CTNNA3: variants seen among roughly 807,000 people sequenced by gnomAD.
CTNNA3 encodes the protein catenin alpha-3.
A neutral mutation model predicts 95.7 loss-of-function variants in CTNNA3; 76 were observed. The observed-to-expected ratio is 0.79, with a 90% CI of 0.66 to 0.96. The LOEUF is 0.96. CTNNA3 is among the 40% of genes least tolerant of loss of function. The pLI is 0.00. For synonymous variants in CTNNA3, 431 were observed against 374.4 expected (o/e 1.15, Z -1.74); for missense variants, 1,191 against 1,089.8 (o/e 1.09, Z -1.31).
chr10:66,810,812 T>C (rs982430346), intron 7 of CTNNA3, among the ~76,000 whole-genome samples: 12 of 152,114 alleles, frequency 7.9e-5, no homozygotes, highest in African/African-American at 2.7e-4. Context: ...TGCCTATGTG[T>C]TTCTCCCCAC....
intron 11 of CTNNA3, among the ~76,000 whole-genome samples, chr10:66,411,699 G>C (rs1368417950): frequency 6.6e-6 from 1 of 152,102 alleles, no homozygotes; most frequent in Non-Finnish European, 1.5e-5. Context: ...ATTTCAGACA[G>C]TGATAAATAC....
At chr10:66,129,815 T>A (rs1564678139) in intron 13 of CTNNA3, among the ~76,000 whole-genome samples, 1 of 151,966 alleles carries the variant, frequency 6.6e-6, no homozygotes, top group Non-Finnish European at 1.5e-5. Flanking sequence ...CCACTGTGCC[T>A]GCATGAACAC....
intron 5 of CTNNA3, among the ~76,000 whole-genome samples, chr10:67,411,055 G>A (rs1845347651): frequency 6.6e-6 from 1 of 152,068 alleles, no homozygotes; most frequent in African/African-American, 2.4e-5. Context: ...GGAGTGAGGA[G>A]ATGGGTTACC....
Position 66,559,833 on chromosome 10 carries a change from T to C in CTNNA3, c.1375-39060A>G, listed in dbSNP as rs116246492. Among the ~76,000 whole-genome samples, 551 of 152,224 alleles carry C rather than the reference T, an allele frequency of 3.6e-3. 6 individuals carry two copies. The highest frequency in any genetic ancestry group is 0.013 in the African/African-American group (538 of 41,556). On this transcript the variant is annotated intron_variant, in intron 10 of 17. Coordinates refer to ENST00000433211, the MANE Select transcript of CTNNA3 (RefSeq NM_013266.4). ...CACGCCACCCCCTTTTAAGCTCTTA[T>C]AATACTACATAGTAATTCATTTTTA...
intron 10 of CTNNA3, among the ~76,000 whole-genome samples, chr10:66,608,656 CA>C (rs1007574770): frequency 3.3e-5 from 5 of 150,648 alleles, no homozygotes; most frequent in South Asian, 2.1e-4. Flanking sequence ...ATCTGATCTT[CA>C]AAAAAAAACT....
chr10:66,608,894 C>A (rs966477492), intron 10 of CTNNA3, among the ~76,000 whole-genome samples: 4 of 152,014 alleles, frequency 2.6e-5, no homozygotes, highest in African/African-American at 9.7e-5. Context: ...GATTTCATGA[C>A]AAAGACACTA....
intron 11 of CTNNA3, among the ~76,000 whole-genome samples, chr10:66,451,113 A>C (rs2093461040): frequency 6.6e-6 from 1 of 152,100 alleles, no homozygotes; most frequent in African/African-American, 2.4e-5. Flanking sequence ...ATGCCTTCAC[A>C]TAGTGAAGGC....
intron 7 of CTNNA3, among the ~76,000 whole-genome samples, chr10:66,871,231 T>C (rs1429870400): frequency 2.0e-5 from 3 of 152,296 alleles, no homozygotes; most frequent in Admixed American, 1.3e-4. Context: ...AGGTAATTTG[T>C]ATTCTCTGAT....
chr10:66,116,174 A>T (rs754444621), intron 13 of CTNNA3, among the ~76,000 whole-genome samples: 22 of 152,254 alleles, frequency 1.4e-4, no homozygotes, highest in Non-Finnish European at 2.9e-4. Flanking sequence ...TATAAGATGT[A>T]GTCAGATATA....
At chr10:66,164,354 G>A (rs2085010555) in intron 13 of CTNNA3, among the ~76,000 whole-genome samples, 1 of 151,984 alleles carries the variant, frequency 6.6e-6, no homozygotes, top group Non-Finnish European at 1.5e-5. Context: ...TCCTGCATTT[G>A]TACATTTGGG....
At chr10:66,011,163 A>T (rs553862307) in intron 15 of CTNNA3, among the ~76,000 whole-genome samples, 2 of 152,144 alleles carry the variant, frequency 1.3e-5, no homozygotes, top group Non-Finnish European at 2.9e-5. Context: ...ATCTGTGGTC[A>T]CCATAGATGC....
chr10:66,473,480 C>T (rs1839207458), intron 11 of CTNNA3, among the ~76,000 whole-genome samples: 1 of 151,942 alleles, frequency 6.6e-6, no homozygotes, highest in African/African-American at 2.4e-5. Flanking sequence ...AATTAAACCT[C>T]TTTCCTTTAT....
intron 5 of CTNNA3, among the ~76,000 whole-genome samples, chr10:67,489,350 G>A (rs1412095629): frequency 6.6e-6 from 1 of 152,072 alleles, no homozygotes; most frequent in East Asian, 1.9e-4. Flanking sequence ...CCTCACCCAA[G>A]CCACCTCTGC....
At chr10:67,133,607 G>A (rs1404370233) in intron 7 of CTNNA3, among the ~76,000 whole-genome samples, 2 of 151,570 alleles carry the variant, frequency 1.3e-5, no homozygotes, top group Non-Finnish European at 1.5e-5. Flanking sequence ...GGATTAACAG[G>A]CTTAAGGGAA....
intron 14 of CTNNA3, among the ~76,000 whole-genome samples, chr10:66,086,630 TC>T (rs2080996127): frequency 1.3e-5 from 2 of 152,228 alleles, no homozygotes; most frequent in South Asian, 4.1e-4. Context: ...CCATCCACTA[TC>T]ACTATTCTTT....
At chr10:67,542,702 T>C (rs1041486453) in intron 3 of CTNNA3, among the ~76,000 whole-genome samples, 5 of 152,042 alleles carry the variant, frequency 3.3e-5, no homozygotes, top group African/African-American at 1.2e-4. Flanking sequence ...CAGAGGAGGA[T>C]CTACCTCTGC....
intron 9 of CTNNA3, among the ~76,000 whole-genome samples, chr10:66,649,966 C>T (rs1307504378): frequency 6.6e-6 from 1 of 152,230 alleles, no homozygotes; most frequent in Non-Finnish European, 1.5e-5. Flanking sequence ...TCCCAGGCCT[C>T]AGGCCCCAAC....
chr10:66,988,289 G>C (rs549185129), intron 7 of CTNNA3, among the ~76,000 whole-genome samples: 55 of 152,212 alleles, frequency 3.6e-4, no homozygotes, highest in African/African-American at 1.3e-3. Context: ...TTATATTCAA[G>C]TTTTCTGTTT....
chr10:66,791,773 G>C (rs1258345647), intron 7 of CTNNA3, among the ~76,000 whole-genome samples: 3 of 152,140 alleles, frequency 2.0e-5, no homozygotes, highest in African/African-American at 7.2e-5. Context: ...GAATACTGAG[G>C]ATTTTTAGAT....
Sources: allele counts gnomAD v4.1 joint callset (sites outside exome capture counted in the v4.1 genomes callset), GRCh38; gene constraint gnomAD v4.1.1; transcripts MANE v1.5; gene names NCBI Gene and HGNC (gene_info 2026-07-23, HGNC 2026-07-21).